AUTS2: variants seen among roughly 807,000 people sequenced by gnomAD.
The protein encoded by AUTS2 is activator of transcription and developmental regulator AUTS2.
A neutral mutation model predicts 112.4 loss-of-function variants in AUTS2; 17 were observed. The ratio of observed to expected loss-of-function variants is 0.15; its 90% CI spans 0.10 to 0.23. The LOEUF (loss-of-function observed/expected upper bound fraction) is 0.23, where lower values mean the gene tolerates loss of function less well. Among genes scored for constraint, AUTS2 ranks in the 10% least tolerant of loss-of-function variants. AUTS2 has a pLI of 1.00. For missense variants in AUTS2, 1,510 were observed against 1,701.6 expected (o/e 0.89, Z 1.98); for synonymous variants, 751 against 702.7 (o/e 1.07, Z -1.09).
chr7:69,920,802 A>G (rs931342471), intron 2 of AUTS2, among the ~76,000 whole-genome samples: 2 of 152,182 alleles, frequency 1.3e-5, no homozygotes, highest in Non-Finnish European at 2.9e-5. Flanking sequence ...CATGTTTTAC[A>G]TGCATTCTCT....
intron 5 of AUTS2, among the ~76,000 whole-genome samples, chr7:70,596,999 C>T (rs1803243751): frequency 6.6e-6 from 1 of 151,926 alleles, no homozygotes; most frequent in African/African-American, 2.4e-5. Flanking sequence ...CTGAATTCTT[C>T]AGTTTAATTA....
chr7:70,341,938 T>A (rs1484298754), intron 4 of AUTS2, among the ~76,000 whole-genome samples: 1 of 152,234 alleles, frequency 6.6e-6, no homozygotes, highest in African/African-American at 2.4e-5. Flanking sequence ...ATTTCTTTCA[T>A]TTTGAAATGG....
At chr7:70,493,250 T>C (rs1297915155) in intron 5 of AUTS2, among the ~76,000 whole-genome samples, 1 of 152,228 alleles carries the variant, frequency 6.6e-6, no homozygotes, top group East Asian at 1.9e-4. Context: ...CCTGGTGGTA[T>C]GTGAGCTCCT....
At chr7:69,938,277 C>T (rs1015128129) in intron 2 of AUTS2, among the ~76,000 whole-genome samples, 23 of 152,232 alleles carry the variant, frequency 1.5e-4, no homozygotes, top group South Asian at 2.1e-4. Flanking sequence ...TGCAGCTTCC[C>T]GTAGGCCTCT....
chr7:70,164,976 C>CA (rs2076783176), intron 4 of AUTS2, among the ~76,000 whole-genome samples: 1 of 151,590 alleles, frequency 6.6e-6, no homozygotes, highest in African/African-American at 2.4e-5. Context: ...AAAAGGTGGA[C>CA]AATATACATA....
intron 5 of AUTS2, among the ~76,000 whole-genome samples, chr7:70,441,799 C>T (rs1019169369): frequency 6.6e-6 from 1 of 152,198 alleles, no homozygotes; most frequent in African/African-American, 2.4e-5. Flanking sequence ...TCTTATGTTC[C>T]TAACTCAACA....
intron 4 of AUTS2, among the ~76,000 whole-genome samples, chr7:70,266,148 A>G (rs1392241197): frequency 6.6e-6 from 1 of 152,242 alleles, no homozygotes; most frequent in Non-Finnish European, 1.5e-5. Flanking sequence ...CCAAATGTTC[A>G]TAAACTAATA....
Position 70,745,772 on chromosome 7 carries a change from T to C in AUTS2, c.743-17098T>C, listed in dbSNP as rs575730652. Among the ~76,000 whole-genome samples, 49 of 152,358 alleles carry C rather than the reference T, an allele frequency of 3.2e-4. No homozygotes were observed. The South Asian group carries it at 9.5e-3, about 30-fold the overall frequency. ...AATAGAACATTAGTTTTATTGTATA[T>C]TGAAAATAGTTCCTTAAACTTCATA... On this transcript the variant is annotated intron_variant, in intron 6 of 18. Transcript: ENST00000342771.
intron 1 of AUTS2, among the ~76,000 whole-genome samples, chr7:69,718,620 C>A (rs1798748744): frequency 6.6e-6 from 1 of 152,302 alleles, no homozygotes; most frequent in Non-Finnish European, 1.5e-5. Flanking sequence ...CCAGGATAAT[C>A]CCCTTATTTT....
intron 5 of AUTS2, among the ~76,000 whole-genome samples, chr7:70,438,392 C>T (rs1336099623): frequency 2.0e-5 from 3 of 152,066 alleles, no homozygotes; most frequent in Non-Finnish European, 2.9e-5. Flanking sequence ...ATTCATGGCG[C>T]ACCTCCTGCC....
At chr7:70,528,303 C>A (rs1055907689) in intron 5 of AUTS2, among the ~76,000 whole-genome samples, 5 of 150,456 alleles carry the variant, frequency 3.3e-5, no homozygotes, top group African/African-American at 1.2e-4. Context: ...AAAAAAAAAA[C>A]CCAGGTAATG....
At chr7:70,033,464 G>C (rs1433590160) in intron 2 of AUTS2, among the ~76,000 whole-genome samples, 1 of 152,206 alleles carries the variant, frequency 6.6e-6, no homozygotes, top group Admixed American at 6.5e-5. Flanking sequence ...TGTGGGGCAA[G>C]ATCTGTGTGG....
chr7:70,630,693 G>A (rs1805213362), intron 5 of AUTS2, among the ~76,000 whole-genome samples: 2 of 152,216 alleles, frequency 1.3e-5, no homozygotes, highest in Admixed American at 1.3e-4. Context: ...CTCGGAACTA[G>A]CTGAGCTGAA....
At chr7:70,299,593 C>T (rs1789109692) in intron 4 of AUTS2, among the ~76,000 whole-genome samples, 1 of 152,132 alleles carries the variant, frequency 6.6e-6, no homozygotes, top group African/African-American at 2.4e-5. Context: ...GCCTACGTTC[C>T]ATTCTGCCAC....
chr7:69,784,329 C>A (rs1469160733), intron 1 of AUTS2, among the ~76,000 whole-genome samples: 1 of 152,206 alleles, frequency 6.6e-6, no homozygotes, highest in East Asian at 1.9e-4. Flanking sequence ...TTGAAGTACT[C>A]AGCTAGAGGA....
At chr7:70,020,494 G>C (rs1800221295) in intron 2 of AUTS2, among the ~76,000 whole-genome samples, 1 of 152,080 alleles carries the variant, frequency 6.6e-6, no homozygotes, top group Non-Finnish European at 1.5e-5. Context: ...CAAAGGGATA[G>C]GTTTTTGTTG....
At chr7:69,658,393 A>C (rs1584022422) in intron 1 of AUTS2, among the ~76,000 whole-genome samples, 1 of 152,256 alleles carries the variant, frequency 6.6e-6, no homozygotes, top group East Asian at 1.9e-4. Context: ...TAGATGAATG[A>C]CTGACCAATC....
At chr7:69,778,074 G>A (rs1052915930) in intron 1 of AUTS2, among the ~76,000 whole-genome samples, 2 of 152,058 alleles carry the variant, frequency 1.3e-5, no homozygotes, top group African/African-American at 4.8e-5. Flanking sequence ...ACCTTATTGT[G>A]TAATTGGAAA....
chr7:69,610,369 T>C (rs950866999), intron 1 of AUTS2, among the ~76,000 whole-genome samples: 5 of 152,222 alleles, frequency 3.3e-5, no homozygotes, highest in African/African-American at 9.6e-5. Flanking sequence ...TGGACTGATA[T>C]GTTGACAAAA....
Sources: gnomAD v4.1 joint callset for allele counts (sites outside exome capture counted in the v4.1 genomes callset) on GRCh38, gnomAD v4.1.1 for gene constraint, MANE v1.5 for transcripts, NCBI Gene and HGNC (gene_info 2026-07-23, HGNC 2026-07-21) for gene names.